The following CCDC171 variants were observed in gnomAD, a reference collection of about 807,000 sequenced individuals.
The protein encoded by CCDC171 is coiled-coil domain-containing protein 171.
CCDC171 carries 177 observed loss-of-function variants against 168.2 expected under a neutral mutation model. The observed-to-expected ratio is 1.05, with a 90% CI of 0.93 to 1.19. The LOEUF is 1.19. CCDC171 is among the 50% of genes most tolerant of loss of function. CCDC171 has a pLI of 0.00. For synonymous variants in CCDC171, 687 were observed against 540.8 expected (o/e 1.27, Z -3.75); for missense variants, 1,991 against 1,539.0 (o/e 1.29, Z -4.91).
chr9:15,870,408 A>G (rs2061984670), intron 23 of CCDC171, among the ~76,000 whole-genome samples: 2 of 151,858 alleles, frequency 1.3e-5, no homozygotes, highest in African/African-American at 4.8e-5. Context: ...ATATGGATCT[A>G]TATCTGGTAA....
chr9:15,877,381 C>T (rs1207735708), intron 24 of CCDC171, among the ~76,000 whole-genome samples: 1 of 152,012 alleles, frequency 6.6e-6, no homozygotes, highest in African/African-American at 2.4e-5. Context: ...GTTTTCATTA[C>T]GTTTAAGGTG....
the CCDC171 span, among the ~76,000 whole-genome samples, chr9:16,100,996 G>C: frequency 6.6e-6 from 1 of 152,200 alleles, no homozygotes; most frequent in African/African-American, 2.4e-5. Context: ...GCCTGGGAAC[G>C]GCAGTTGCTC....
At chr9:15,596,856 T>C (rs2042409255) in intron 6 of CCDC171, among the ~76,000 whole-genome samples, 1 of 152,232 alleles carries the variant, frequency 6.6e-6, no homozygotes, top group Non-Finnish European at 1.5e-5. Context: ...GAAGAGGTTC[T>C]TCACATCCCT....
chr9:16,094,276 A>G, the CCDC171 span, among the ~76,000 whole-genome samples: 1 of 152,242 alleles, frequency 6.6e-6, no homozygotes, highest in African/African-American at 2.4e-5. Flanking sequence ...AATCAAATCT[A>G]AAATTTACAA....
At chr9:15,940,243 A>C (rs2132278096) in intron 25 of CCDC171, among the ~76,000 whole-genome samples, 1 of 152,106 alleles carries the variant, frequency 6.6e-6, no homozygotes, top group East Asian at 1.9e-4. Context: ...TTAATGAATA[A>C]AGACTTTTCA....
At chr9:16,097,551 C>T in the CCDC171 span, among the ~76,000 whole-genome samples, 46 of 152,196 alleles carry the variant, frequency 3.0e-4, no homozygotes, top group African/African-American at 1.1e-3. Context: ...TAGTGTGTTT[C>T]ACAGGCAGGA....
chr9:16,077,727 A>T, the CCDC171 span, among the ~76,000 whole-genome samples: 5 of 152,116 alleles, frequency 3.3e-5, no homozygotes, highest in South Asian at 1.0e-3. Flanking sequence ...GTTGCTTTCC[A>T]CTGAGATTGT....
chr9:15,950,101 G>T (rs1032837079), intron 25 of CCDC171, among the ~76,000 whole-genome samples: 1 of 152,106 alleles, frequency 6.6e-6, no homozygotes, highest in East Asian at 1.9e-4. Flanking sequence ...AATGAGCAAA[G>T]CCTCCAAGAA....
chr9:15,979,056 C>T (rs948341368), intron 3 of CCDC171, among the ~76,000 whole-genome samples: 2 of 152,082 alleles, frequency 1.3e-5, no homozygotes, highest in African/African-American at 4.8e-5. Context: ...CATACGGTAC[C>T]GTGTATCTAC....
chr9:15,563,795 C>G (rs1206824314), intron 1 of CCDC171, among the ~76,000 whole-genome samples, 183 bp from the exon 2 acceptor site: 2 of 152,198 alleles, frequency 1.3e-5, no homozygotes, highest in African/African-American at 4.8e-5. Flanking sequence ...GATACAGTCT[C>G]CATCTCAGTC....
intron 11 of CCDC171, among the ~76,000 whole-genome samples, chr9:15,716,608 T>G (rs2053104893): frequency 6.6e-6 from 1 of 152,144 alleles, no homozygotes; most frequent in Admixed American, 6.5e-5. Context: ...AAAGGAGATT[T>G]ATTTCTTACA....
chr9:15,942,664 C>A (rs368917243), intron 25 of CCDC171, among the ~76,000 whole-genome samples: 11 of 151,932 alleles, frequency 7.2e-5, no homozygotes, highest in Non-Finnish European at 1.3e-4. Flanking sequence ...CTTTTAAGTT[C>A]TAAGTTCAGG....
At chr9:16,093,491 G>A in the CCDC171 span, among the ~76,000 whole-genome samples, 2 of 152,342 alleles carry the variant, frequency 1.3e-5, no homozygotes, top group East Asian at 3.9e-4. Context: ...TCTGAAGAAC[G>A]TTTGAAATAT....
At chr9:15,673,777 G>T (rs780073369) in intron 9 of CCDC171, among the ~76,000 whole-genome samples, 3 of 152,098 alleles carry the variant, frequency 2.0e-5, no homozygotes, top group African/African-American at 7.2e-5. Context: ...TTTTCGCATC[G>T]ATGTTCGTCA....
chr9:15,790,214 C>T (rs1020225025), intron 21 of CCDC171, among the ~76,000 whole-genome samples: 1 of 152,212 alleles, frequency 6.6e-6, no homozygotes, highest in African/African-American at 2.4e-5. Flanking sequence ...ACACTCCCAC[C>T]AATGGTGTAA....
chr9:15,630,936 A>C (rs2132276449), intron 7 of CCDC171, among the ~76,000 whole-genome samples: 1 of 152,362 alleles, frequency 6.6e-6, no homozygotes, highest in East Asian at 1.9e-4. Flanking sequence ...GTACATAACG[A>C]AATGAAGACA....
chr9:15,909,582 A>G (rs1031315544), intron 24 of CCDC171, among the ~76,000 whole-genome samples: 2 of 152,150 alleles, frequency 1.3e-5, no homozygotes, highest in African/African-American at 4.8e-5. Flanking sequence ...GTACAATTCC[A>G]CATCTTTGAT....
chr9:15,603,751 C>G (rs1418160731), intron 6 of CCDC171, among the ~76,000 whole-genome samples: 1 of 151,776 alleles, frequency 6.6e-6, no homozygotes, highest in East Asian at 2.0e-4. Context: ...GATTTATATT[C>G]CTTTGGGTAT....
chr9:15,830,441 G>T (rs2060182468), intron 21 of CCDC171, among the ~76,000 whole-genome samples: 1 of 152,130 alleles, frequency 6.6e-6, no homozygotes, highest in Non-Finnish European at 1.5e-5. Context: ...TACGAGGAAA[G>T]CATATTAAGA....
Sources: allele counts gnomAD v4.1 joint callset (sites outside exome capture counted in the v4.1 genomes callset), GRCh38; gene constraint gnomAD v4.1.1; transcripts MANE v1.5; gene names NCBI Gene and HGNC (gene_info 2026-07-23, HGNC 2026-07-21).